MANSC4: variants seen among roughly 807,000 people sequenced by gnomAD.
MANSC4 encodes MANSC domain-containing protein 4.
A neutral mutation model predicts 11.4 loss-of-function variants in MANSC4; 11 were observed. The observed-to-expected ratio is 0.97, with a 90% CI of 0.61 to 1.60. The LOEUF (loss-of-function observed/expected upper bound fraction) is 1.60, where lower values mean the gene tolerates loss of function less well. Among genes scored for constraint, MANSC4 ranks in the 40% most tolerant of loss-of-function variants. The probability of loss-of-function intolerance (pLI) is 0.00; values close to 1 mark genes in which losing one functional copy is unlikely to be tolerated. For missense variants in MANSC4, 354 were observed against 404.6 expected (o/e 0.88, Z 1.07); for synonymous variants, 123 against 147.1 (o/e 0.84, Z 1.19).
intron 1 of MANSC4, among the ~76,000 whole-genome samples, chr12:27,773,725 A>T (rs1163044241): frequency 1.3e-5 from 2 of 152,210 alleles, no homozygotes; most frequent in African/African-American, 4.8e-5. Flanking sequence ...AATAAATGGA[A>T]CTTTTACCTA....
At chr12:27,772,986 A>G (rs957254837) in intron 1 of MANSC4, among the ~76,000 whole-genome samples, 10 of 152,228 alleles carry the variant, frequency 6.6e-5, no homozygotes, top group African/African-American at 1.4e-4. Flanking sequence ...ACAAGCCACA[A>G]TTGTTTAACC....
At chr12:27,764,844 T>C (rs2062065156) in intron 3 of MANSC4, among the ~76,000 whole-genome samples, 2 of 152,156 alleles carry the variant, frequency 1.3e-5, no homozygotes, top group African/African-American at 4.8e-5. Context: ...AAATCTACAC[T>C]GTAAGGTGAT....
Position 27,762,765 on chromosome 12 carries a change from A to G in MANSC4, c.996T>C (p.Arg332=), listed in dbSNP as rs767872881. Residue 332 remains arginine, a synonymous_variant, in exon 4 of 4, where the codon CGT becomes CGC. Coordinates refer to ENST00000381273, the MANE Select transcript of MANSC4 (RefSeq NM_001146221.5). ...ATGAAGAGTTCTCCTTCATATGGTT[A>G]CGGTTTTTAATTTGCAAGGATCCTG... ...RKSGSLQIKN[R]NHMKENSS 2.3e-5 allele frequency: 36 copies of G among 1,545,490 alleles called. No homozygotes were observed. Among genetic ancestry groups the G allele is most frequent in the Non-Finnish European group, 3.1e-5 (35 of 1,144,860 alleles).
At chr12:27,769,405 T>C (rs1410379591) in intron 2 of MANSC4, among the ~76,000 whole-genome samples, 1 of 152,216 alleles carries the variant, frequency 6.6e-6, no homozygotes, top group Non-Finnish European at 1.5e-5. Flanking sequence ...TTCTTTCTTG[T>C]TCTGAAGGAA....
chr12:27,772,352 C>G (rs1259771193), intron 1 of MANSC4, among the ~76,000 whole-genome samples: 1 of 152,202 alleles, frequency 6.6e-6, no homozygotes, highest in Non-Finnish European at 1.5e-5. Flanking sequence ...ACTTTCTAAT[C>G]TGTGATCCGT....
intron 1 of MANSC4, among the ~76,000 whole-genome samples, chr12:27,778,054 C>A (rs972990788): frequency 6.6e-6 from 1 of 151,756 alleles, no homozygotes; most frequent in South Asian, 2.1e-4. Flanking sequence ...GGTGAAACCC[C>A]GTCTCTACTA....
At chr12:27,766,002 T>C (rs184161152) in intron 3 of MANSC4, among the ~76,000 whole-genome samples, 109 of 152,162 alleles carry the variant, frequency 7.2e-4, no homozygotes, top group African/African-American at 2.3e-3. Flanking sequence ...CTGTGTGCAG[T>C]GTCCATGGCC....
chr12:27,774,736 AG>A (rs2062112574), intron 1 of MANSC4, among the ~76,000 whole-genome samples: 1 of 152,206 alleles, frequency 6.6e-6, no homozygotes, highest in Non-Finnish European at 1.5e-5. Context: ...GAAAATAAAA[AG>A]CAGGGGCTGG....
chr12:27,762,856 A>C lies in MANSC4; in HGVS notation c.905T>G (p.Ile302Arg). 1 of 1,552,004 alleles carries C rather than the reference A, an allele frequency of 6.4e-7. No individual in the cohort carries two copies. The highest frequency in any genetic ancestry group is 1.4e-5 in the African/African-American group (1 of 73,162). The part of the protein sequence containing the change: ...CTSVIFLGCC[I>R]VILASGCCGK... ...ACAGCATCCAGATGCCAGGATGACT[A>C]TACAACAGCCGAGAAAGATGACAGA... Residue 302 changes from isoleucine to arginine, a missense_variant, in exon 4 of 4, where the codon ATA becomes AGA. Ile to Arg is a moderately conservative substitution (Grantham distance 97). Transcript: ENST00000381273.
chr12:27,763,742 A>T (rs1325519573), intron 3 of MANSC4, among the ~76,000 whole-genome samples: 4 of 151,922 alleles, frequency 2.6e-5, no homozygotes, highest in South Asian at 2.1e-4. Context: ...TTATTTATTT[A>T]TTTTTTGAGA....
At chr12:27,765,526 A>G (rs913540863) in intron 3 of MANSC4, among the ~76,000 whole-genome samples, 3 of 152,216 alleles carry the variant, frequency 2.0e-5, no homozygotes, top group Admixed American at 6.5e-5. Flanking sequence ...GTGGCATAAT[A>G]TAGAACTCAT....
intron 1 of MANSC4, among the ~76,000 whole-genome samples, chr12:27,779,596 T>C (rs549476105): frequency 3.9e-5 from 6 of 152,092 alleles, no homozygotes; most frequent in Non-Finnish European, 7.4e-5. Flanking sequence ...CAACTGTCCA[T>C]AGATCGCCTG....
rs543608187 is a variant in MANSC4, at chr12:27,777,375, G to A, written c.-307+2835C>T. ...ACCCACTGAATCTGGCATTGTTGCC[G>A]GTTGAGGCATAGAAAAATCGTAGGT... On this transcript the variant is annotated intron_variant, in intron 1 of 3. Coordinates refer to ENST00000381273, the MANE Select transcript of MANSC4 (RefSeq NM_001146221.5). 3.3e-4 allele frequency among the ~76,000 whole-genome samples: 50 copies of A among 152,190 alleles called. 1 individual carries two copies. The highest frequency in any genetic ancestry group is 6.3e-4 in the Non-Finnish European group (43 of 68,034).
intron 1 of MANSC4, among the ~76,000 whole-genome samples, chr12:27,775,272 A>C (rs1342717232): frequency 6.6e-6 from 1 of 152,042 alleles, no homozygotes; most frequent in Non-Finnish European, 1.5e-5. Context: ...CTAGTGCAGG[A>C]GCTCAGTTCA....
Position 27,762,556 on chromosome 12 carries a change from G to T in MANSC4, c.*182C>A, listed in dbSNP as rs1331347124. Among the ~76,000 whole-genome samples, 1 of 151,782 alleles carries T rather than the reference G, an allele frequency of 6.6e-6. No homozygotes were observed. The highest frequency in any genetic ancestry group is 1.5e-5 in the Non-Finnish European group (1 of 67,972). ...TATAGAGACAGAGTCTCACTATGTT[G>T]CCCAGGCTGGTCTCGAACTCCTGGG... On this transcript the variant is annotated 3_prime_UTR_variant, in exon 4 of 4. Coordinates refer to ENST00000381273, the MANE Select transcript of MANSC4 (RefSeq NM_001146221.5).
At chr12:27,767,426 C>T (rs747451447) in intron 2 of MANSC4, among the ~76,000 whole-genome samples, 12 of 151,994 alleles carry the variant, frequency 7.9e-5, no homozygotes, top group Non-Finnish European at 1.3e-4. Context: ...TCTGGGGGCC[C>T]GGCGTGGTGG....
chr12:27,776,430 T>TA (rs2062120122), intron 1 of MANSC4, among the ~76,000 whole-genome samples: 1 of 152,140 alleles, frequency 6.6e-6, no homozygotes, highest in Admixed American at 6.5e-5. Flanking sequence ...ATAAGTTCTT[T>TA]AAAAAATGAC....
chr12:27,766,782 C>T lies in MANSC4; in HGVS notation c.247G>A (p.Val83Ile). The change falls in exon 3 of 4, where the codon GTC (valine) becomes ATC (isoleucine). Residue 83 changes from valine to isoleucine, a missense_variant. Physicochemically the swap from Val to Ile is conservative, Grantham distance 29. Coordinates refer to ENST00000381273, the MANE Select transcript of MANSC4 (RefSeq NM_001146221.5). ...TCATGAATAGGACTGTGGTAGAAGA[C>T]AGCCAGGTTACAGGAAACTGAAAGG... ...LRKDVSCNLA[V>I]FYHSPIHDNI... 1 of 1,551,480 alleles carries T rather than the reference C, an allele frequency of 6.4e-7. No individual in the cohort carries two copies. Among genetic ancestry groups the T allele is most frequent in the Non-Finnish European group, 8.7e-7 (1 of 1,146,944 alleles).
At chr12:27,773,533 A>G (rs1326895338) in intron 1 of MANSC4, among the ~76,000 whole-genome samples, 2 of 152,238 alleles carry the variant, frequency 1.3e-5, no homozygotes, top group African/African-American at 4.8e-5. Context: ...GGAATACATT[A>G]TATTTCTTTC....
Sources: allele counts gnomAD v4.1 joint callset (sites outside exome capture counted in the v4.1 genomes callset), GRCh38; gene constraint gnomAD v4.1.1; transcripts MANE v1.5; gene names NCBI Gene and HGNC (gene_info 2026-07-23, HGNC 2026-07-21).